EPHA3: variants seen among roughly 807,000 people sequenced by gnomAD.
EPHA3 encodes EPH receptor A3.
In EPHA3, 42 loss-of-function variants were observed where a neutral mutation model predicts 107.1. The observed-to-expected ratio is 0.39, with a 90% CI of 0.31 to 0.51. The LOEUF is 0.51. Ranked by LOEUF, EPHA3 falls within the 20% of genes least tolerant of loss-of-function variation. EPHA3 has a pLI of 0.78. For missense variants in EPHA3, 1,183 were observed against 1,211.2 expected (o/e 0.98, Z 0.35); for synonymous variants, 461 against 424.8 (o/e 1.09, Z -1.05).
At chr3:89,143,656 C>A (rs1308038769) in intron 2 of EPHA3, among the ~76,000 whole-genome samples, 1 of 151,560 alleles carries the variant, frequency 6.6e-6, no homozygotes, top group African/African-American at 2.4e-5. Flanking sequence ...ATTCTCTCCA[C>A]CTACTTTCTC....
chr3:89,395,480 G>C (rs1272155369), intron 5 of EPHA3, among the ~76,000 whole-genome samples: 1 of 152,088 alleles, frequency 6.6e-6, no homozygotes, highest in South Asian at 2.1e-4. Context: ...ATAACAAATA[G>C]GTAGTCCTGA....
intron 5 of EPHA3, among the ~76,000 whole-genome samples, chr3:89,387,993 A>C (rs1708656019): frequency 6.6e-6 from 1 of 152,102 alleles, no homozygotes; most frequent in South Asian, 2.1e-4. Context: ...GGGGGAGGAA[A>C]TTCTGGTCAA....
intron 3 of EPHA3, among the ~76,000 whole-genome samples, chr3:89,236,049 G>A (rs1384538657): frequency 6.6e-6 from 1 of 151,904 alleles, no homozygotes; most frequent in Non-Finnish European, 1.5e-5. Flanking sequence ...ATTTTAAACT[G>A]TTTCATTGTG....
In EPHA3 at chr3:89,232,265, A is replaced by C. The variant is rs796849676; in HGVS notation, c.814+21745A>C. On this transcript the variant is annotated intron_variant, in intron 3 of 16. Transcript: ENST00000336596. Reference sequence around the variant, plus strand: ...ATATTTAAAGAATGAAGAGCAAAAAAATTGGTGGTTGGGCAAGGAAGACTC... The same window carrying C: ...ATATTTAAAGAATGAAGAGCAAAAACATTGGTGGTTGGGCAAGGAAGACTC... Among the ~76,000 whole-genome samples, 8 of 152,232 alleles carry C rather than the reference A, an allele frequency of 5.3e-5. No homozygotes were observed. In the East Asian group the frequency reaches 1.4e-3, roughly 26 times the overall value.
chr3:89,204,102 C>T (rs1445314133), intron 2 of EPHA3, among the ~76,000 whole-genome samples: 1 of 152,108 alleles, frequency 6.6e-6, no homozygotes, highest in Non-Finnish European at 1.5e-5. Context: ...CTGTTCCTAG[C>T]TCTTCTCACT....
chr3:89,257,439 C>T (rs1440972526), intron 3 of EPHA3, among the ~76,000 whole-genome samples: 1 of 152,118 alleles, frequency 6.6e-6, no homozygotes, highest in Non-Finnish European at 1.5e-5. Flanking sequence ...ACAAGGTGAT[C>T]TTTGCCACTT....
intron 5 of EPHA3, among the ~76,000 whole-genome samples, chr3:89,374,799 C>T (rs565706685): frequency 5.9e-5 from 9 of 151,522 alleles, no homozygotes; most frequent in South Asian, 2.1e-4. Flanking sequence ...TGCCACATTC[C>T]GAGCACATAA....
At chr3:89,393,576 G>A (rs1708787118) in intron 5 of EPHA3, among the ~76,000 whole-genome samples, 1 of 152,140 alleles carries the variant, frequency 6.6e-6, no homozygotes, top group African/African-American at 2.4e-5. Flanking sequence ...GACCTCATGT[G>A]TTCCAACATT....
chr3:89,277,010 A>G (rs2107307831), intron 3 of EPHA3, among the ~76,000 whole-genome samples: 1 of 152,248 alleles, frequency 6.6e-6, no homozygotes, highest in South Asian at 2.1e-4. Flanking sequence ...CATATGAAAC[A>G]GCATTGCCTC....
chr3:89,456,944 T>C (rs576419383), intron 15 of EPHA3, among the ~76,000 whole-genome samples: 10 of 152,256 alleles, frequency 6.6e-5, no homozygotes, highest in East Asian at 1.9e-4. Context: ...ACAGCTTACG[T>C]TTAAATGTGG....
At chr3:89,435,456 TA>T (rs1709648571) in intron 13 of EPHA3, among the ~76,000 whole-genome samples, 1 of 145,016 alleles carries the variant, frequency 6.9e-6, no homozygotes, top group African/African-American at 2.5e-5. Context: ...TATATATATA[TA>T]AATATATATT....
At chr3:89,199,781 G>A (rs1705928706) in intron 2 of EPHA3, among the ~76,000 whole-genome samples, 1 of 152,090 alleles carries the variant, frequency 6.6e-6, no homozygotes, top group Non-Finnish European at 1.5e-5. Context: ...TAGTTACTCA[G>A]TTAAGGATAC....
At chr3:89,230,366 G>A (rs1383076066) in intron 3 of EPHA3, among the ~76,000 whole-genome samples, 2 of 151,996 alleles carry the variant, frequency 1.3e-5, no homozygotes, top group Non-Finnish European at 2.9e-5. Flanking sequence ...AATTTTTGTT[G>A]GAATGTATTG....
chr3:89,203,364 C>T (rs1202190694), intron 2 of EPHA3, among the ~76,000 whole-genome samples: 2 of 148,618 alleles, frequency 1.3e-5, no homozygotes, highest in Non-Finnish European at 3.0e-5. Context: ...AAAAAAATTA[C>T]ATAAAGGAAT....
At chr3:89,265,031 G>T (rs1360257263) in intron 3 of EPHA3, among the ~76,000 whole-genome samples, 1 of 151,946 alleles carries the variant, frequency 6.6e-6, no homozygotes, top group South Asian at 2.1e-4. Flanking sequence ...AGACAGAATT[G>T]CAGACATTTA....
At chr3:89,393,637 G>A (rs1708788792) in intron 5 of EPHA3, among the ~76,000 whole-genome samples, 1 of 152,218 alleles carries the variant, frequency 6.6e-6, no homozygotes, top group Non-Finnish European at 1.5e-5. Context: ...CTCCGTTAAT[G>A]GACTTACTTC....
intron 2 of EPHA3, among the ~76,000 whole-genome samples, chr3:89,183,148 G>A (rs1705483580): frequency 6.6e-6 from 1 of 151,900 alleles, no homozygotes; most frequent in African/African-American, 2.4e-5. Flanking sequence ...AATAATTATT[G>A]AGTTCCTACT....
At chr3:89,417,498 C>G (rs1709272233) in intron 10 of EPHA3, among the ~76,000 whole-genome samples, 1 of 151,436 alleles carries the variant, frequency 6.6e-6, no homozygotes, top group African/African-American at 2.4e-5. Context: ...AATGGGAGCG[C>G]TCTGATAATG....
intron 2 of EPHA3, among the ~76,000 whole-genome samples, chr3:89,191,176 C>T (rs2107140589): frequency 6.6e-6 from 1 of 152,290 alleles, no homozygotes; most frequent in South Asian, 2.1e-4. Flanking sequence ...ATTTGAGCCA[C>T]AGTGCTTATT....
Sources: allele counts gnomAD v4.1 joint callset (sites outside exome capture counted in the v4.1 genomes callset), GRCh38; gene constraint gnomAD v4.1.1; transcripts MANE v1.5; gene names NCBI Gene and HGNC (gene_info 2026-07-23, HGNC 2026-07-21).